SAMM50: variants seen among roughly 807,000 people sequenced by gnomAD.
The protein encoded by SAMM50 is sorting and assembly machinery component 50 homolog.
Under a neutral mutation model 66.9 loss-of-function variants are expected in SAMM50, and 47 were observed. The observed-to-expected ratio is 0.70, with a 90% CI of 0.56 to 0.90. The LOEUF (loss-of-function observed/expected upper bound fraction) is 0.90, where lower values mean the gene tolerates loss of function less well. Among genes scored for constraint, SAMM50 ranks in the 40% least tolerant of loss-of-function variants. The pLI, the probability that SAMM50 is intolerant of heterozygous loss-of-function variation, is 0.00. For missense variants in SAMM50, 535 were observed against 595.3 expected, an observed-to-expected ratio of 0.90 and a Z score of 1.05; for synonymous variants, 191 against 214.1, an observed-to-expected ratio of 0.89 and a Z score of 0.94.
chr22:43,991,228 A>G (rs1986095), intron 14 of SAMM50, among the ~76,000 whole-genome samples: 71,959 of 151,218 alleles, frequency 0.48, 17,850 homozygotes, highest in African/African-American at 0.62. Flanking sequence ...TGCCTGCCTC[A>G]GCCTCCCAAA....
At chr22:43,973,434 C>T in intron 7 of SAMM50, 111 bp downstream of exon 7, 1 of 680,396 alleles carries the variant, frequency 1.5e-6, no homozygotes, top group South Asian at 1.6e-5. Flanking sequence ...GCCCTCTGCC[C>T]TCCGCACCAG....
chr22:43,955,991 A>G (rs1334026736), intron 1 of SAMM50, among the ~76,000 whole-genome samples: 5 of 152,182 alleles, frequency 3.3e-5, no homozygotes, highest in African/African-American at 7.2e-5. Flanking sequence ...CTAGAGCAAC[A>G]AGAATCCTTT....
At chr22:43,994,020 C>A (rs944705669) in intron 14 of SAMM50, among the ~76,000 whole-genome samples, 2 of 152,186 alleles carry the variant, frequency 1.3e-5, no homozygotes, top group African/African-American at 4.8e-5. Context: ...GGCAGGCTCG[C>A]TTGGGAGAGC....
chr22:43,995,160 T>C (rs1349774396), intron 14 of SAMM50, among the ~76,000 whole-genome samples: 1 of 152,174 alleles, frequency 6.6e-6, no homozygotes, highest in Non-Finnish European at 1.5e-5. Flanking sequence ...TCCTGGCTTC[T>C]GGTGAGAGGA....
rs775633756 is a variant in SAMM50, at chr22:43,955,576, C to T, written c.-2C>T. 3.1e-6 allele frequency: 5 copies of T among 1,601,216 alleles called. No homozygotes were observed. The South Asian group carries it at 5.6e-5, about 18-fold the overall frequency. On this transcript the variant is annotated 5_prime_UTR_variant, in exon 1 of 15. Transcript: ENST00000350028. ...TGCGAGGCAGCGGCTGGAGAGGGAA[C>T]CATGGGGACTGTGCACGCCCGGGTA...
chr22:43,976,119 T>C lies in SAMM50; in HGVS notation c.713T>C (p.Leu238Pro). Reference sequence around the variant, plus strand: ...GGCGTATGGCGAGAACTGGGCTGCCTCTCAAGGACGGCGTCATTTGCTGTT... The same window carrying C: ...GGCGTATGGCGAGAACTGGGCTGCCCCTCAAGGACGGCGTCATTTGCTGTT... ...WEGVWRELGC[L>P]SRTASFAVRK... Residue 238 changes from leucine (L) to proline (P), a missense_variant, in exon 8 of 15, where the codon CTC (leucine) becomes CCC (proline). Physicochemically the swap from Leu to Pro is moderately conservative, Grantham distance 98 (BLOSUM62 -3). Transcript: ENST00000350028. 6.2e-7 allele frequency: 1 copy of C among 1,612,232 alleles called. No homozygotes were observed. The highest frequency in any genetic ancestry group is 1.1e-5 in the South Asian group (1 of 91,028).
intron 8 of SAMM50, 103 bp from the exon 9 acceptor site, chr22:43,976,647 A>G: frequency 2.5e-6 from 2 of 793,128 alleles, no homozygotes; most frequent in South Asian, 1.5e-5. Flanking sequence ...ATGACATGAT[A>G]GTTGTAGAGT....
intron 10 of SAMM50, among the ~76,000 whole-genome samples, chr22:43,980,049 T>C (rs1393268284): frequency 4.7e-5 from 4 of 84,410 alleles, no homozygotes; most frequent in Non-Finnish European, 8.6e-5. Flanking sequence ...CCCATCCATC[T>C]ACCCACCCAT....
intron 1 of SAMM50, among the ~76,000 whole-genome samples, chr22:43,960,518 CAGG>C (rs2050142431): frequency 6.6e-6 from 1 of 152,142 alleles, no homozygotes; most frequent in Admixed American, 6.5e-5. Flanking sequence ...CATCTGAGGT[CAGG>C]AGTTCAAGAC....
At chr22:43,976,567 G>A (rs1218629163) in intron 8 of SAMM50, among the ~76,000 whole-genome samples, 183 bp from the exon 9 acceptor site, 1 of 152,224 alleles carries the variant, frequency 6.6e-6, no homozygotes, top group African/African-American at 2.4e-5. Flanking sequence ...CAGTGTGGAC[G>A]TCTCAGTGTC....
chr22:43,965,452 C>T (rs1301077082), intron 3 of SAMM50, among the ~76,000 whole-genome samples: 1 of 152,152 alleles, frequency 6.6e-6, no homozygotes, highest in Non-Finnish European at 1.5e-5. Flanking sequence ...AAGTGATCCA[C>T]CTGCCTCGGC....
chr22:43,956,884 A>T (rs2050122283), intron 1 of SAMM50: 1 of 439,890 alleles, frequency 2.3e-6, no homozygotes, highest in African/African-American at 2.0e-5. Context: ...AATTTTAGAA[A>T]TCCTATCTGT....
intron 10 of SAMM50, among the ~76,000 whole-genome samples, chr22:43,978,387 A>G (rs5764048): frequency 0.59 from 84,807 of 144,820 alleles, 25,787 homozygotes; most frequent in East Asian, 0.82. Flanking sequence ...GTGAGCCAAG[A>G]TCACACCACT....
chr22:43,991,318 A>C (rs1603420492), intron 14 of SAMM50, among the ~76,000 whole-genome samples: 2 of 123,462 alleles, frequency 1.6e-5, no homozygotes, highest in South Asian at 2.5e-4. Context: ...TTTCTCTGTC[A>C]CCCAGCTGGA....
chr22:43,986,032 T>A (rs1187200169), intron 12 of SAMM50, among the ~76,000 whole-genome samples: 10 of 115,698 alleles, frequency 8.6e-5, no homozygotes, highest in South Asian at 2.9e-4. Context: ...TTATTTATTT[T>A]TTCTTTCTTT....
chr22:43,976,001 A>C, intron 7 of SAMM50, 54 bp from the exon 8 acceptor site: 1 of 1,539,156 alleles, frequency 6.5e-7, no homozygotes, highest in Non-Finnish European at 8.8e-7. Context: ...AATGATTTGC[A>C]ACAAGTTCCT....
chr22:43,964,239 G>A (rs2050161634), intron 2 of SAMM50, among the ~76,000 whole-genome samples: 1 of 152,204 alleles, frequency 6.6e-6, no homozygotes, highest in Non-Finnish European at 1.5e-5. Context: ...TGTAGCTCTT[G>A]TTCACAGAAA....
At chr22:43,970,132 G>A (rs1393473875) in intron 4 of SAMM50, among the ~76,000 whole-genome samples, 2 of 152,206 alleles carry the variant, frequency 1.3e-5, no homozygotes, top group African/African-American at 4.8e-5. Context: ...CAAGAGAGAA[G>A]TCTCCATCTC....
At chr22:43,956,367 T>G (rs559553088) in intron 1 of SAMM50, among the ~76,000 whole-genome samples, 1 of 152,224 alleles carries the variant, frequency 6.6e-6, no homozygotes, top group Non-Finnish European at 1.5e-5. Context: ...TTGACCTGCA[T>G]AGACGTTTTC....
Sources: gnomAD v4.1 joint callset for allele counts (sites outside exome capture counted in the v4.1 genomes callset) on GRCh38, gnomAD v4.1.1 for gene constraint, MANE v1.5 for transcripts, NCBI Gene and HGNC (gene_info 2026-07-23, HGNC 2026-07-21) for gene names.